Variants in SAMD5 observed in about 807,000 individuals in gnomAD.
SAMD5 encodes the protein sterile alpha motif domain-containing protein 5.
Under a neutral mutation model 11.3 loss-of-function variants are expected in SAMD5, and 13 were observed. The observed-to-expected ratio is 1.15, with a 90% CI of 0.75 to 1.83. The LOEUF (loss-of-function observed/expected upper bound fraction) is 1.83, where lower values mean the gene tolerates loss of function less well. SAMD5 is among the 40% of genes most tolerant of loss of function. The pLI, the probability that SAMD5 is intolerant of heterozygous loss-of-function variation, is 0.00. For synonymous variants in SAMD5, 129 were observed against 111.3 expected (o/e 1.16, Z -1.00); for missense variants, 255 against 239.1 (o/e 1.07, Z -0.44).
chr6:147,713,712 C>T (rs978151124), intron 1 of SAMD5, among the ~76,000 whole-genome samples: 3 of 152,106 alleles, frequency 2.0e-5, no homozygotes, highest in Non-Finnish European at 4.4e-5. Flanking sequence ...AGAAGCTGAA[C>T]AGAACTGTCA....
intron 1 of SAMD5, among the ~76,000 whole-genome samples, chr6:147,705,077 G>C (rs1791307575): frequency 6.6e-6 from 1 of 152,214 alleles, no homozygotes; most frequent in South Asian, 2.1e-4. Context: ...CACTAGACCA[G>C]TAAGGTAGAG....
At chr6:147,809,529 A>G in the SAMD5 span, among the ~76,000 whole-genome samples, 1 of 152,256 alleles carries the variant, frequency 6.6e-6, no homozygotes, top group East Asian at 1.9e-4. Context: ...TTCTTTTTAA[A>G]GAACAAATGC....
intron 1 of SAMD5, among the ~76,000 whole-genome samples, chr6:147,689,735 G>T (rs558034272): frequency 1.8e-4 from 28 of 152,284 alleles, no homozygotes; most frequent in East Asian, 1.5e-3. Context: ...GTTTCTTGAT[G>T]CTGCAGGCCT....
chr6:147,674,573 G>T (rs1790838249), intron 1 of SAMD5, among the ~76,000 whole-genome samples: 1 of 152,150 alleles, frequency 6.6e-6, no homozygotes, highest in Non-Finnish European at 1.5e-5. Flanking sequence ...GTTTGTATAG[G>T]ACTTCCTTTC....
At chr6:147,827,215 C>T in the SAMD5 span, among the ~76,000 whole-genome samples, 1 of 152,090 alleles carries the variant, frequency 6.6e-6, no homozygotes, top group East Asian at 1.9e-4. Flanking sequence ...CCTGTGAGGT[C>T]AGGCTTCTGC....
the SAMD5 span, among the ~76,000 whole-genome samples, chr6:147,943,902 C>A: frequency 3.3e-5 from 5 of 152,116 alleles, no homozygotes; most frequent in Admixed American, 1.3e-4. Context: ...ATTCTCCTGG[C>A]CCCTTTTCCT....
chr6:147,934,789 G>A, the SAMD5 span, among the ~76,000 whole-genome samples: 1 of 152,132 alleles, frequency 6.6e-6, no homozygotes, highest in Admixed American at 6.5e-5. Context: ...GTGCATGAAG[G>A]GGGAAACATA....
chr6:147,829,765 C>T, the SAMD5 span, among the ~76,000 whole-genome samples: 1 of 152,066 alleles, frequency 6.6e-6, no homozygotes, highest in African/African-American at 2.4e-5. Flanking sequence ...TGAGTTAATA[C>T]TCAGAGCTGC....
rs189792851 is a variant in SAMD5, at chr6:147,702,531, C to T, written c.163-34786C>T. ...TTCTACAGAGTTAGGGATAAAGCATCCTAATAAAAATTATGGTGTGTGAAG... is the reference window on the plus strand; with the variant it reads ...TTCTACAGAGTTAGGGATAAAGCATTCTAATAAAAATTATGGTGTGTGAAG... On this transcript the variant is annotated intron_variant, in intron 1 of 1. Coordinates refer to the SAMD5 transcript ENST00000566741. 9.1e-4 allele frequency among the ~76,000 whole-genome samples: 139 copies of T among 152,154 alleles called. 1 individual carries two copies. The East Asian group carries it at 0.019, about 21-fold the overall frequency.
intron 1 of SAMD5, among the ~76,000 whole-genome samples, chr6:147,522,058 T>C (rs768731154): frequency 3.3e-5 from 5 of 152,146 alleles, no homozygotes; most frequent in Non-Finnish European, 5.9e-5. Context: ...CATTTTTACA[T>C]GTAACTGTCT....
chr6:147,578,646 T>C (rs1053724751), intron 1 of SAMD5, among the ~76,000 whole-genome samples: 5 of 152,158 alleles, frequency 3.3e-5, no homozygotes, highest in Admixed American at 2.0e-4. Context: ...TGTCAGTAGG[T>C]TGTAGGTCAT....
intron 1 of SAMD5, among the ~76,000 whole-genome samples, chr6:147,678,719 C>G (rs1444986544): frequency 6.6e-6 from 1 of 152,126 alleles, no homozygotes; most frequent in Admixed American, 6.5e-5. Flanking sequence ...AATGGGAGTT[C>G]ATGGAAGAGG....
intron 1 of SAMD5, among the ~76,000 whole-genome samples, chr6:147,579,486 G>C (rs1583092964): frequency 1.0e-5 from 1 of 95,904 alleles, no homozygotes; most frequent in Non-Finnish European, 1.9e-5. Context: ...TTTTTTTTGA[G>C]ACGGAGTCTC....
At chr6:147,925,079 C>T in the SAMD5 span, among the ~76,000 whole-genome samples, 1 of 152,098 alleles carries the variant, frequency 6.6e-6, no homozygotes, top group East Asian at 1.9e-4. Flanking sequence ...GTACTGAATG[C>T]TTATGTTCCT....
At chr6:147,597,390 A>G (rs904897518) in intron 1 of SAMD5, among the ~76,000 whole-genome samples, 3 of 152,208 alleles carry the variant, frequency 2.0e-5, no homozygotes, top group African/African-American at 7.2e-5. Context: ...GAGACTATTT[A>G]TTAAAAGAGC....
the SAMD5 span, among the ~76,000 whole-genome samples, chr6:147,871,027 G>A: frequency 6.6e-6 from 1 of 152,148 alleles, no homozygotes; most frequent in African/African-American, 2.4e-5. Flanking sequence ...CAGCCATAGT[G>A]AAGTTTGTAA....
chr6:147,696,819 G>A lies in SAMD5; in HGVS notation c.163-40498G>A, dbSNP rs73599408. ...ACAGTCAACATGGAATTTCCATATA[G>A]GGTGCGTTCCATTAACCTGCCTTGC... On this transcript the variant is annotated intron_variant, in intron 1 of 1. Transcript: ENST00000566741. Among the ~76,000 whole-genome samples the A allele has an allele frequency of 4.7e-3, 721 of 152,310 alleles. 4 individuals carry two copies. Among genetic ancestry groups the A allele is most frequent in the African/African-American group, 0.016 (670 of 41,558 alleles).
chr6:147,813,090 T>G, the SAMD5 span, among the ~76,000 whole-genome samples: 1 of 152,196 alleles, frequency 6.6e-6, no homozygotes, highest in Non-Finnish European at 1.5e-5. Context: ...ATCTGTTCTT[T>G]GAAATATATT....
At chr6:147,800,226 G>T in the SAMD5 span, among the ~76,000 whole-genome samples, 1 of 152,060 alleles carries the variant, frequency 6.6e-6, no homozygotes, top group Non-Finnish European at 1.5e-5. Context: ...TTTGATGATG[G>T]TGATGTACAG....
Sources: allele counts gnomAD v4.1 joint callset (sites outside exome capture counted in the v4.1 genomes callset), GRCh38; gene constraint gnomAD v4.1.1; transcripts MANE v1.5; gene names NCBI Gene and HGNC (gene_info 2026-07-23, HGNC 2026-07-21).